The following ACACA variants were observed in gnomAD, a reference collection of about 807,000 sequenced individuals.
ACACA encodes acetyl-CoA carboxylase alpha, also known as acetyl-CoA carboxylase 1.
A neutral mutation model predicts 296.1 loss-of-function variants in ACACA; 103 were observed. The observed-to-expected ratio is 0.35, with a 90% CI of 0.30 to 0.41. The LOEUF is 0.41. Ranked by LOEUF, ACACA falls within the 10% of genes least tolerant of loss-of-function variation. The pLI is 1.00. For synonymous variants in ACACA, 953 were observed against 1,038.6 expected, an observed-to-expected ratio of 0.92 and a Z score of 1.58; for missense variants, 1,554 against 2,989.7, an observed-to-expected ratio of 0.52 and a Z score of 11.20.
intron 3 of ACACA, among the ~76,000 whole-genome samples, chr17:37,314,261 G>A (rs993681051): frequency 4.0e-5 from 6 of 151,600 alleles, no homozygotes; most frequent in South Asian, 4.2e-4. Context: ...CACCATGCAC[G>A]GCTAATTTTT....
intron 43 of ACACA, among the ~76,000 whole-genome samples, chr17:37,153,250 A>G (rs2076112526): frequency 6.6e-6 from 1 of 152,252 alleles, no homozygotes; most frequent in African/African-American, 2.4e-5. Flanking sequence ...AGTAGCAAGA[A>G]AAAATGCAAA....
rs147856870 is a variant in ACACA, at chr17:37,401,341, C to T, written c.38+4921G>A. Among the ~76,000 whole-genome samples the T allele has an allele frequency of 3.2e-3, 482 of 151,472 alleles. 4 individuals carry two copies. The highest frequency in any genetic ancestry group is 0.011 in the African/African-American group (435 of 41,344). ...CTGAGTAGCTGGGAATACAAGCGCC[C>T]GCCACCACGCCCAGCTAATTTTTGT... On this transcript the variant is annotated intron_variant, in intron 1 of 55. Transcript: ENST00000616317.
At chr17:37,157,531 C>CTTTTTTTT (rs397687787) in intron 42 of ACACA, among the ~76,000 whole-genome samples, 109 of 90,466 alleles carry the variant, frequency 1.2e-3, no homozygotes, top group Non-Finnish European at 1.7e-3. Context: ...ATCATTCTAT[C>CTTTTTTTT]TTTTTTTTTT....
At chr17:37,156,127 G>A (rs1233982663) in intron 42 of ACACA, among the ~76,000 whole-genome samples, 4 of 141,232 alleles carry the variant, frequency 2.8e-5, no homozygotes, top group South Asian at 4.5e-4. Flanking sequence ...GCAGTGGCGC[G>A]ATCTCAGCTC....
chr17:37,088,959 T>C lies in ACACA; in HGVS notation c.7007A>G (p.Tyr2336Cys), dbSNP rs2072419406. 3 of 1,614,238 alleles carry C rather than the reference T, an allele frequency of 1.9e-6. No individual in the cohort carries two copies. The highest frequency in any genetic ancestry group is 2.5e-6 in the Non-Finnish European group (3 of 1,180,038). ...TCACCTGCGGATTTGCTTGAGGACG[T>C]AGTCTCTGCTGATGCATTTGATGTT... ...EENIKCISRDYVLKQIRSLVQ... is the reference protein window; with the variant it reads ...EENIKCISRDCVLKQIRSLVQ... The change falls in exon 55 of 56, where the codon TAC becomes TGC. Residue 2336 changes from tyrosine to cysteine, a missense_variant. Tyr to Cys is a radical substitution (Grantham distance 194). Around this residue, in one of 16 missense-constraint regions of ACACA, gnomAD observed 553 missense variants for 1,043.6 expected, o/e 0.53. Coordinates refer to ENST00000616317, the MANE Select transcript of ACACA (RefSeq NM_198834.3).
chr17:37,324,327 C>G (rs2047490541), intron 3 of ACACA, among the ~76,000 whole-genome samples: 1 of 151,118 alleles, frequency 6.6e-6, no homozygotes, highest in South Asian at 2.1e-4. Flanking sequence ...GATTGCGCCA[C>G]TGCACTCTGG....
intron 1 of ACACA, among the ~76,000 whole-genome samples, chr17:37,349,779 G>A (rs187472282): frequency 1.2e-4 from 18 of 151,038 alleles, no homozygotes; most frequent in South Asian, 8.4e-4. Context: ...GGCTGGTCTC[G>A]AACTTCTGAC....
At chr17:37,110,331 T>C (rs1664311) in intron 52 of ACACA, among the ~76,000 whole-genome samples, 1 of 152,218 alleles carries the variant, frequency 6.6e-6, no homozygotes, top group African/African-American at 2.4e-5. Context: ...AATTAAAGTG[T>C]ACAGGGTTGG....
intron 35 of ACACA, among the ~76,000 whole-genome samples, chr17:37,195,885 C>T (rs2077973557): frequency 6.6e-6 from 1 of 152,016 alleles, no homozygotes; most frequent in Non-Finnish European, 1.5e-5. Context: ...GTGTCATGGG[C>T]AAATATCATA....
intron 35 of ACACA, among the ~76,000 whole-genome samples, chr17:37,198,383 G>A (rs978974908): frequency 5.3e-5 from 8 of 152,080 alleles, no homozygotes; most frequent in African/African-American, 1.9e-4. Flanking sequence ...TTCTAAAGTC[G>A]GTGATAAAAA....
intron 39 of ACACA, among the ~76,000 whole-genome samples, chr17:37,187,364 C>T (rs2077577552): frequency 6.6e-6 from 1 of 152,194 alleles, no homozygotes; most frequent in Admixed American, 6.5e-5. Context: ...ATAATCTCTC[C>T]CTGGCACCCA....
At chr17:37,264,871 T>A (rs768734815) in intron 10 of ACACA, among the ~76,000 whole-genome samples, 2 of 152,236 alleles carry the variant, frequency 1.3e-5, no homozygotes, top group Non-Finnish European at 2.9e-5. Context: ...ATGATGTTGT[T>A]CTCATCTGGG....
chr17:37,103,586 G>A (rs939698825), intron 52 of ACACA, among the ~76,000 whole-genome samples: 7 of 152,158 alleles, frequency 4.6e-5, no homozygotes, highest in Admixed American at 6.5e-5. Context: ...GGCTGAGTGG[G>A]AGTAAAAAGG....
chr17:37,218,147 CA>C (rs60487601), intron 29 of ACACA, among the ~76,000 whole-genome samples: 6 of 116,626 alleles, frequency 5.1e-5, no homozygotes, highest in Admixed American at 9.3e-5. Context: ...CTACCAGTAA[CA>C]AAAAAAAAAA....
chr17:37,260,368 A>G (rs933851805), intron 11 of ACACA, among the ~76,000 whole-genome samples: 1 of 133,834 alleles, frequency 7.5e-6, no homozygotes, highest in African/African-American at 2.9e-5. Flanking sequence ...CAGTGGCGCA[A>G]TCTCGGCTCA....
chr17:37,135,107 A>G (rs1053430493), intron 45 of ACACA, among the ~76,000 whole-genome samples: 1 of 152,232 alleles, frequency 6.6e-6, no homozygotes, highest in Non-Finnish European at 1.5e-5. Flanking sequence ...TGAGAGGACT[A>G]CATTTTAAAA....
At chr17:37,327,436 T>C (rs2047672870) in intron 3 of ACACA, among the ~76,000 whole-genome samples, 3 of 152,222 alleles carry the variant, frequency 2.0e-5, no homozygotes, top group Admixed American at 2.0e-4. Context: ...CATTGTCTCC[T>C]TTCCATGCTG....
intron 42 of ACACA, 80 bp from the exon 43 acceptor site, chr17:37,155,860 A>C: frequency 1.0e-6 from 1 of 964,028 alleles, no homozygotes; most frequent in African/African-American, 1.6e-5. Flanking sequence ...TACATAATGA[A>C]GCTTGTTCCA....
chr17:37,386,218 G>T, intron 1 of ACACA: 1 of 715,770 alleles, frequency 1.4e-6, no homozygotes. Context: ...GCGTTAGTCT[G>T]GATCTACTGA....
Sources: gnomAD v4.1 joint callset for allele counts (sites outside exome capture counted in the v4.1 genomes callset) on GRCh38, gnomAD v4.1.1 for gene constraint, gnomAD v4.1.1 regional missense constraint, MANE v1.5 for transcripts, NCBI Gene and HGNC (gene_info 2026-07-23, HGNC 2026-07-21) for gene names.